Variants in ENOX1 observed in about 807,000 individuals in gnomAD.
The protein encoded by ENOX1 is ecto-NOX disulfide-thiol exchanger 1.
In ENOX1, 42 loss-of-function variants were observed where a neutral mutation model predicts 82.5. The ratio of observed to expected loss-of-function variants is 0.51; its 90% CI spans 0.40 to 0.66. The LOEUF is 0.66. Among genes scored for constraint, ENOX1 ranks in the 30% least tolerant of loss-of-function variants. The pLI is 0.00. For synonymous variants in ENOX1, 271 were observed against 282.2 expected, an observed-to-expected ratio of 0.96 and a Z score of 0.40; for missense variants, 608 against 811.6, an observed-to-expected ratio of 0.75 and a Z score of 3.05.
intron 1 of ENOX1, among the ~76,000 whole-genome samples, chr13:43,757,373 G>C (rs924158159): frequency 6.6e-6 from 1 of 152,168 alleles, no homozygotes; most frequent in Non-Finnish European, 1.5e-5. Flanking sequence ...GGTCTCCAAA[G>C]GTCTTGTGAG....
At chr13:43,775,968 A>G (rs1445704746) in intron 1 of ENOX1, among the ~76,000 whole-genome samples, 1 of 152,160 alleles carries the variant, frequency 6.6e-6, no homozygotes, top group Admixed American at 6.6e-5. Flanking sequence ...GTTTTTTCTT[A>G]ACCAAGCATT....
intron 15 of ENOX1, among the ~76,000 whole-genome samples, chr13:43,228,618 G>T (rs2042132188): frequency 1.3e-5 from 2 of 152,044 alleles, no homozygotes; most frequent in African/African-American, 2.4e-5. Flanking sequence ...TTACATTATT[G>T]GGTCTCACTA....
chr13:43,611,152 G>A (rs565156420), intron 2 of ENOX1, among the ~76,000 whole-genome samples: 16 of 152,272 alleles, frequency 1.1e-4, no homozygotes, highest in South Asian at 4.1e-4. Flanking sequence ...GGAAAGCTAA[G>A]TTAACAGGTG....
At chr13:43,351,288 C>T (rs1172298493) in intron 8 of ENOX1, among the ~76,000 whole-genome samples, 2 of 152,206 alleles carry the variant, frequency 1.3e-5, no homozygotes, top group African/African-American at 4.8e-5. Flanking sequence ...CCAAAACACA[C>T]ATGCAATCTC....
intron 3 of ENOX1, among the ~76,000 whole-genome samples, chr13:43,462,869 A>G: frequency 7.0e-6 from 1 of 142,236 alleles, no homozygotes; most frequent in East Asian, 1.9e-4. Flanking sequence ...GAACTTCTCA[A>G]CTTTCTCTGG....
At chr13:43,594,255 C>T (rs149650770) in intron 2 of ENOX1, among the ~76,000 whole-genome samples, 41 of 98,056 alleles carry the variant, frequency 4.2e-4, no homozygotes, top group African/African-American at 1.5e-3. Flanking sequence ...GTCTACAAAC[C>T]GAGGTCAAGT....
At chr13:43,576,728 TA>T (rs1254685202) in intron 2 of ENOX1, among the ~76,000 whole-genome samples, 4 of 152,200 alleles carry the variant, frequency 2.6e-5, no homozygotes, top group African/African-American at 9.7e-5. Flanking sequence ...AATAGAAAAC[TA>T]ATAAATGTGG....
intron 1 of ENOX1, among the ~76,000 whole-genome samples, chr13:43,771,103 G>A (rs1441421616): frequency 1.3e-5 from 2 of 152,160 alleles, no homozygotes. Context: ...TGTCTTTCCA[G>A]AAGAGTGGAA....
At chr13:43,527,143 C>CTAAG (rs1471582468) in intron 2 of ENOX1, among the ~76,000 whole-genome samples, 1 of 151,538 alleles carries the variant, frequency 6.6e-6, no homozygotes, top group Non-Finnish European at 1.5e-5. Flanking sequence ...CACTAATGAA[C>CTAAG]TAAGACACAC....
At chr13:43,601,277 A>C (rs1404362791) in intron 2 of ENOX1, among the ~76,000 whole-genome samples, 1 of 152,184 alleles carries the variant, frequency 6.6e-6, no homozygotes, top group African/African-American at 2.4e-5. Flanking sequence ...AAAGTCAATG[A>C]AATTCAAGAT....
intron 1 of ENOX1, among the ~76,000 whole-genome samples, chr13:43,732,660 T>C (rs1339695448): frequency 6.6e-6 from 1 of 152,220 alleles, no homozygotes; most frequent in Non-Finnish European, 1.5e-5. Context: ...TAGTAAGATA[T>C]GTTGCCTCTT....
At chr13:43,297,164 A>C (rs1400444563) in intron 12 of ENOX1, among the ~76,000 whole-genome samples, 4 of 152,154 alleles carry the variant, frequency 2.6e-5, no homozygotes, top group Non-Finnish European at 5.9e-5. Flanking sequence ...TTTAAGATAT[A>C]ATTTGTACGA....
chr13:43,550,582 C>G (rs910638389), intron 2 of ENOX1, among the ~76,000 whole-genome samples: 5 of 152,148 alleles, frequency 3.3e-5, no homozygotes, highest in African/African-American at 9.7e-5. Flanking sequence ...CCAATCCTTG[C>G]TTGAGATAAG....
intron 1 of ENOX1, among the ~76,000 whole-genome samples, chr13:43,720,163 G>A (rs1026338473): frequency 6.6e-6 from 1 of 152,144 alleles, no homozygotes. Context: ...TGTGCTTGCA[G>A]ACTTATAGAT....
At chr13:43,616,171 T>TAGATATATAG (rs373367551) in intron 2 of ENOX1, among the ~76,000 whole-genome samples, 3 of 6,820 alleles carry the variant, frequency 4.4e-4, no homozygotes, top group African/African-American at 7.3e-4. Flanking sequence ...TCTATCTATC[T>TAGATATATAG]ATCTATCTAT....
intron 1 of ENOX1, among the ~76,000 whole-genome samples, chr13:43,694,880 A>C (rs989808729): frequency 6.6e-6 from 1 of 152,202 alleles, no homozygotes; most frequent in Non-Finnish European, 1.5e-5. Context: ...GAGCTTAACT[A>C]AAATCTTCCC....
At chr13:43,255,296 AAAT>A (rs1197906354) in intron 14 of ENOX1, among the ~76,000 whole-genome samples, 1 of 152,180 alleles carries the variant, frequency 6.6e-6, no homozygotes, top group African/African-American at 2.4e-5. Context: ...ACATACATCA[AAAT>A]AATAATGACC....
intron 12 of ENOX1, among the ~76,000 whole-genome samples, chr13:43,270,044 T>A (rs1373732446): frequency 6.6e-6 from 1 of 152,208 alleles, no homozygotes; most frequent in African/African-American, 2.4e-5. Context: ...TGATGTTTTA[T>A]TAGATCAGTA....
intron 14 of ENOX1, among the ~76,000 whole-genome samples, chr13:43,239,769 G>C (rs1269864489): frequency 6.6e-6 from 1 of 152,208 alleles, no homozygotes; most frequent in Non-Finnish European, 1.5e-5. Context: ...TGTGTTTCAA[G>C]GGATAGAAGA....
Sources: allele counts gnomAD v4.1 joint callset (sites outside exome capture counted in the v4.1 genomes callset), GRCh38; gene constraint gnomAD v4.1.1; transcripts MANE v1.5; gene names NCBI Gene and HGNC (gene_info 2026-07-23, HGNC 2026-07-21).